The following MSANTD3 variants were observed in gnomAD, a reference collection of about 807,000 sequenced individuals.
The protein encoded by MSANTD3 is Myb/SANT DNA binding domain containing 3.
In MSANTD3, 11 loss-of-function variants were observed where a neutral mutation model predicts 27.7. The ratio of observed to expected loss-of-function variants is 0.40; its 90% CI spans 0.25 to 0.66. The LOEUF (loss-of-function observed/expected upper bound fraction) is 0.66, where lower values mean the gene tolerates loss of function less well. Among genes scored for constraint, MSANTD3 ranks in the 30% least tolerant of loss-of-function variants. The pLI is 0.41. For synonymous variants in MSANTD3, 131 were observed against 127.2 expected (o/e 1.03, Z -0.20); for missense variants, 250 against 336.5 (o/e 0.74, Z 2.01).
rs180741559 is a variant in MSANTD3, at chr9:100,445,213, C to T, written c.418+2857C>T. On this transcript the variant is annotated intron_variant, in intron 2 of 2. Transcript: ENST00000395067. ...AAGAAGCCTGGAATTGTCAATCATC[C>T]TTTCTGGGACTTGGTAGGAAAAAGG... is the stretch of plus-strand genomic sequence containing the variant. The T allele has an allele frequency of 1.3e-4, 212 of 1,607,884 alleles. 3 individuals carry two copies. In the East Asian group the frequency reaches 4.5e-3, roughly 34 times the overall value.
At chr9:100,443,195 T>A (rs978121143) in intron 2 of MSANTD3, among the ~76,000 whole-genome samples, 3 of 150,940 alleles carry the variant, frequency 2.0e-5, no homozygotes, top group Admixed American at 6.6e-5. Context: ...AGGTTGGGAG[T>A]TTGAGACCAG....
At chr9:100,440,517 C>T (rs1456893499) in intron 1 of MSANTD3, among the ~76,000 whole-genome samples, 1 of 152,032 alleles carries the variant, frequency 6.6e-6, no homozygotes. Flanking sequence ...GACTCCAACC[C>T]CTCATTTTAA....
chr9:100,440,154 A>G (rs1047884697), intron 1 of MSANTD3, among the ~76,000 whole-genome samples: 5 of 152,176 alleles, frequency 3.3e-5, no homozygotes, highest in African/African-American at 1.2e-4. Context: ...TGTTGTGTGA[A>G]ACATGCTGAC....
chr9:100,448,679 TGAAAG>T (rs2118131187), intron 2 of MSANTD3: 1 of 985,282 alleles, frequency 1.0e-6, no homozygotes, highest in Non-Finnish European at 1.2e-6. Flanking sequence ...CTTAGAGACT[TGAAAG>T]GGAGGTAAAC....
intron 1 of MSANTD3, among the ~76,000 whole-genome samples, chr9:100,439,005 C>T (rs1836542167): frequency 6.6e-6 from 1 of 152,186 alleles, no homozygotes; most frequent in Admixed American, 6.5e-5. Context: ...CCACCTTTGA[C>T]ATGTGTCCGA....
intron 1 of MSANTD3, among the ~76,000 whole-genome samples, chr9:100,430,514 G>A (rs1320473922): frequency 6.6e-6 from 1 of 152,142 alleles, no homozygotes; most frequent in African/African-American, 2.4e-5. Flanking sequence ...CATGTGAAGA[G>A]TTGGGACTTT....
chr9:100,434,563 T>C (rs1836436184), intron 1 of MSANTD3, among the ~76,000 whole-genome samples: 1 of 152,132 alleles, frequency 6.6e-6, no homozygotes, highest in Non-Finnish European at 1.5e-5. Context: ...TGGTGTATAC[T>C]TCCTCCTTTC....
intron 2 of MSANTD3, among the ~76,000 whole-genome samples, chr9:100,443,183 C>T (rs1231493162): frequency 6.6e-5 from 10 of 151,948 alleles, no homozygotes; most frequent in Non-Finnish European, 1.5e-5. Flanking sequence ...GCGGATCACC[C>T]GAGGTTGGGA....
chr9:100,445,193 G>A, intron 2 of MSANTD3: 1 of 1,609,996 alleles, frequency 6.2e-7, no homozygotes, highest in Non-Finnish European at 8.5e-7. Flanking sequence ...AGAAAAAGAA[G>A]CCTGGAATTG....
Position 100,440,780 on chromosome 9 carries a change from CTTTTTTT to C in MSANTD3, c.-33-1105_-33-1099del, listed in dbSNP as rs529362356. Among the ~76,000 whole-genome samples the C allele has an allele frequency of 2.0e-3, 175 of 85,690 alleles. 1 individual carries two copies. Among genetic ancestry groups the C allele is most frequent in the Non-Finnish European group, 2.9e-3 (133 of 46,324 alleles). 56.2% of individuals were successfully genotyped at this position (85,690 alleles called of 152,430 possible). A position where few individuals can be genotyped will look rare whatever the true frequency, so the allele number is the denominator to read the frequency against. On this transcript the variant is annotated intron_variant, in intron 1 of 2. Coordinates refer to ENST00000395067, the MANE Select transcript of MSANTD3 (RefSeq NM_080655.3). ...TATTTTTTTTTCTTCTTTTTCTTCC[CTTTTTTT>C]TTTTTTTTTTTTTTTTTTTTAGAGA... is the stretch of plus-strand genomic sequence containing the variant.
chr9:100,438,427 A>AGTGTGTGTGTGTGT (rs139680729), intron 1 of MSANTD3, among the ~76,000 whole-genome samples: 1 of 151,166 alleles, frequency 6.6e-6, no homozygotes. Context: ...TTATTTAGAA[A>AGTGTGTGTGTGTGT]GTGTGTGTGT....
chr9:100,433,586 A>G (rs554845652), intron 1 of MSANTD3, among the ~76,000 whole-genome samples: 9 of 152,268 alleles, frequency 5.9e-5, no homozygotes, highest in East Asian at 5.8e-4. Context: ...ATTGTTGCCT[A>G]GGCTGGTCTT....
rs574152340 is a variant in MSANTD3, at chr9:100,450,592, G to T, written c.454G>T (p.Asp152Tyr). 1 of 1,592,322 alleles carries T rather than the reference G, an allele frequency of 6.3e-7. No individual in the cohort carries two copies. Among genetic ancestry groups the T allele is most frequent in the African/African-American group, 1.4e-5 (1 of 73,788 alleles). The change falls in exon 3 of 3, where the codon GAT (aspartate) becomes TAT (tyrosine). Residue 152 changes from aspartate (D) to tyrosine (Y), a missense_variant. This residue lies in a region of MSANTD3 where 235 missense variants were observed against 299.3 expected (regional missense o/e 0.79). Transcript: ENST00000395067. ...TGTTTCAAATAGAGAACTGTGCGAT[G>T]ATGAGAAAGAGTTCATACATTTTCC... ...FAVSNRELCD[D>Y]EKEFIHFPVC...
chr9:100,442,057 G>C lies in MSANTD3; in HGVS notation c.119G>C (p.Arg40Pro). ...YVLECKKSDA[R>P]TIALKQRTWQ... ...CTGGAATGTAAGAAAAGTGATGCGC[G>C]AACTATTGCCCTTAAGCAGCGTACC... Residue 40 changes from arginine (R) to proline (P), a missense_variant, in exon 2 of 3, where the codon CGA becomes CCA. This residue lies in a region of MSANTD3 where 235 missense variants were observed against 299.3 expected (regional missense o/e 0.79). Transcript: ENST00000395067. 1 of 1,614,206 alleles carries C rather than the reference G, an allele frequency of 6.2e-7. No individual in the cohort carries two copies. Among genetic ancestry groups the C allele is most frequent in the Non-Finnish European group, 8.5e-7 (1 of 1,180,042 alleles).
chr9:100,434,778 C>T (rs1013179318), intron 1 of MSANTD3, among the ~76,000 whole-genome samples: 1 of 152,152 alleles, frequency 6.6e-6, no homozygotes, highest in Non-Finnish European at 1.5e-5. Flanking sequence ...TCTGTTTCAG[C>T]GTGCCTCTCA....
At position 100,450,693 on chromosome 9, in the gene MSANTD3, C is replaced by T; in HGVS notation, c.555C>T (p.Ser185=). 6.2e-7 allele frequency: 1 copy of T among 1,614,154 alleles called. No individual in the cohort carries two copies. Among genetic ancestry groups the T allele is most frequent in the Non-Finnish European group, 8.5e-7 (1 of 1,180,030 alleles). ...TAACAGCCAATAAAAACTACAGGAG[C>T]AAAACCTCTCAGGAAGGTGCTTTAA... ...VRITANKNYR[S]KTSQEGALKK... The change falls in exon 3 of 3, where the codon AGC becomes AGT. Residue 185 remains serine (S), a synonymous_variant. Transcript: ENST00000395067.
chr9:100,449,039 A>G, intron 2 of MSANTD3: 3 of 985,372 alleles, frequency 3.0e-6, no homozygotes, highest in Non-Finnish European at 3.6e-6. Flanking sequence ...ATCTTCCAGA[A>G]TAACGGAGTG....
intron 1 of MSANTD3, 134 bp from the exon 2 acceptor site, chr9:100,441,772 C>T: frequency 9.6e-7 from 1 of 1,042,874 alleles, no homozygotes; most frequent in Non-Finnish European, 1.3e-6. Context: ...TCCTGAATAT[C>T]ATAATTCAAC....
intron 1 of MSANTD3, among the ~76,000 whole-genome samples, chr9:100,430,496 AT>A (rs1412964035): frequency 6.6e-6 from 1 of 152,168 alleles, no homozygotes; most frequent in Admixed American, 6.5e-5. Context: ...CGGAAAGGCC[AT>A]GAATGCCATG....
Sources: gnomAD v4.1 joint callset for allele counts (sites outside exome capture counted in the v4.1 genomes callset) on GRCh38, gnomAD v4.1.1 for gene constraint, gnomAD v4.1.1 regional missense constraint, MANE v1.5 for transcripts, NCBI Gene and HGNC (gene_info 2026-07-23, HGNC 2026-07-21) for gene names.